Variants in PCCA observed in about 807,000 individuals in gnomAD.
PCCA encodes propionyl-CoA carboxylase alpha chain, mitochondrial.
Under a neutral mutation model 101.3 loss-of-function variants are expected in PCCA, and 74 were observed. The observed-to-expected ratio is 0.73, with a 90% CI of 0.61 to 0.89. The LOEUF (loss-of-function observed/expected upper bound fraction) is 0.89, where lower values mean the gene tolerates loss of function less well. PCCA is among the 40% of genes least tolerant of loss of function. The pLI is 0.00. For missense variants in PCCA, 891 were observed against 907.0 expected, an observed-to-expected ratio of 0.98 and a Z score of 0.23; for synonymous variants, 294 against 313.6, an observed-to-expected ratio of 0.94 and a Z score of 0.66.
At chr13:100,093,643 G>A (rs1348912070) in intron 1 of PCCA, among the ~76,000 whole-genome samples, 1 of 152,172 alleles carries the variant, frequency 6.6e-6, no homozygotes. Context: ...GCCAGGTGTG[G>A]TAGCTCACGC....
chr13:100,217,569 TTG>T (rs372376065), intron 7 of PCCA, among the ~76,000 whole-genome samples: 15 of 149,934 alleles, frequency 1.0e-4, no homozygotes, highest in Non-Finnish European at 1.5e-5. Flanking sequence ...GTATCAGTTT[TTG>T]TGTGTGTGTG....
chr13:100,247,834 A>G (rs1265307930), intron 8 of PCCA, among the ~76,000 whole-genome samples: 1 of 152,004 alleles, frequency 6.6e-6, no homozygotes, highest in African/African-American at 2.4e-5. Flanking sequence ...ATGTTTTTGG[A>G]TATCTGATGG....
intron 12 of PCCA, among the ~76,000 whole-genome samples, chr13:100,281,054 C>T (rs1031047797): frequency 6.6e-6 from 1 of 152,136 alleles, no homozygotes; most frequent in Non-Finnish European, 1.5e-5. Context: ...ATCACATCGA[C>T]TGTATGATAC....
chr13:100,240,392 T>A (rs2061051318), intron 8 of PCCA, among the ~76,000 whole-genome samples: 1 of 151,828 alleles, frequency 6.6e-6, no homozygotes, highest in Admixed American at 6.6e-5. Flanking sequence ...TTTAATCTTT[T>A]GCGGGGTGAA....
At chr13:100,477,105 G>A (rs1164527639) in intron 21 of PCCA, among the ~76,000 whole-genome samples, 5 of 152,162 alleles carry the variant, frequency 3.3e-5, no homozygotes, top group African/African-American at 4.8e-5. Flanking sequence ...AAAGTCAAGT[G>A]CATACTAATT....
At chr13:100,468,079 C>T (rs891641427) in intron 21 of PCCA, among the ~76,000 whole-genome samples, 2 of 152,186 alleles carry the variant, frequency 1.3e-5, no homozygotes, top group African/African-American at 2.4e-5. Context: ...TCCGTCAGAG[C>T]TCCCAGGTAA....
Position 100,340,384 on chromosome 13 carries a change from A to G in PCCA, c.1643+125A>G, listed in dbSNP as rs1489662521. 6.2e-5 allele frequency: 43 copies of G among 698,304 alleles called. 1 individual carries two copies. Among genetic ancestry groups the G allele is most frequent in the South Asian group, 6.1e-4 (40 of 66,036 alleles). 43.3% of individuals were successfully genotyped at this position (698,304 alleles called of 1,614,324 possible). The stretch of plus-strand genomic sequence containing the variant: ...TAGAGATCTTATGGGTCTTTGGAGA[A>G]GTATAATAAAGTCACACTGTATAAA... On this transcript the variant is annotated intron_variant, in intron 18 of 23. Transcript: ENST00000376285.
intron 2 of PCCA, among the ~76,000 whole-genome samples, chr13:100,108,170 AGGAG>A (rs2047985275): frequency 6.6e-6 from 1 of 152,208 alleles, no homozygotes; most frequent in South Asian, 2.1e-4. Context: ...GAAAGGAAGA[AGGAG>A]GGATAGAGAG....
chr13:100,206,290 A>G (rs1395659491), intron 6 of PCCA, among the ~76,000 whole-genome samples: 1 of 152,038 alleles, frequency 6.6e-6, no homozygotes, highest in Admixed American at 6.6e-5. Flanking sequence ...TTCTGGAGAC[A>G]GAGTCTCACT....
chr13:100,300,731 G>C (rs1219848519), intron 12 of PCCA, among the ~76,000 whole-genome samples: 1 of 152,218 alleles, frequency 6.6e-6, no homozygotes, highest in Admixed American at 6.5e-5. Flanking sequence ...ATGTATCCCT[G>C]TTTGTGTACC....
At chr13:100,413,811 G>A (rs2078196516) in intron 19 of PCCA, among the ~76,000 whole-genome samples, 1 of 152,186 alleles carries the variant, frequency 6.6e-6, no homozygotes, top group South Asian at 2.1e-4. Context: ...TCAGGTAGGG[G>A]AGCGAAAGGC....
chr13:100,290,192 C>G (rs2065018889), intron 12 of PCCA, among the ~76,000 whole-genome samples: 1 of 151,892 alleles, frequency 6.6e-6, no homozygotes, highest in Non-Finnish European at 1.5e-5. Context: ...AAAGTTTGCC[C>G]AATTTTTTTT....
intron 21 of PCCA, among the ~76,000 whole-genome samples, chr13:100,460,983 G>C (rs1207975636): frequency 6.6e-6 from 1 of 152,178 alleles, no homozygotes; most frequent in Non-Finnish European, 1.5e-5. Flanking sequence ...GAACTTTGGA[G>C]TTTCAGCAAT....
intron 21 of PCCA, among the ~76,000 whole-genome samples, chr13:100,479,178 G>A (rs762264991): frequency 1.1e-4 from 16 of 152,104 alleles, no homozygotes; most frequent in Non-Finnish European, 2.4e-4. Context: ...CAAATCCCAG[G>A]TAAACTCCTG....
chr13:100,246,115 C>T (rs1031212276), intron 8 of PCCA, among the ~76,000 whole-genome samples: 3 of 152,122 alleles, frequency 2.0e-5, no homozygotes, highest in African/African-American at 7.2e-5. Flanking sequence ...GGGGCATGAC[C>T]TTAGGCAGAA....
At chr13:100,094,870 G>A (rs1470163631) in intron 1 of PCCA, among the ~76,000 whole-genome samples, 1 of 152,180 alleles carries the variant, frequency 6.6e-6, no homozygotes, top group East Asian at 1.9e-4. Flanking sequence ...TTACAGATGT[G>A]AGCCACCGTG....
At chr13:100,468,408 C>T (rs543754513) in intron 21 of PCCA, among the ~76,000 whole-genome samples, 1 of 152,342 alleles carries the variant, frequency 6.6e-6, no homozygotes, top group Non-Finnish European at 1.5e-5. Flanking sequence ...AGTTAGATGA[C>T]ATCTTCTTCC....
At chr13:100,166,345 C>G (rs182264610) in intron 6 of PCCA, among the ~76,000 whole-genome samples, 1 of 152,066 alleles carries the variant, frequency 6.6e-6, no homozygotes, top group Non-Finnish European at 1.5e-5. Flanking sequence ...ACAGAGTTTC[C>G]CCTCTTTTGC....
intron 6 of PCCA, among the ~76,000 whole-genome samples, chr13:100,160,268 T>C (rs993054954): frequency 2.0e-5 from 3 of 152,080 alleles, no homozygotes; most frequent in African/African-American, 7.2e-5. Flanking sequence ...TTTGGGAGGC[T>C]GAGGTGGGCA....
Sources: allele counts gnomAD v4.1 joint callset (sites outside exome capture counted in the v4.1 genomes callset), GRCh38; gene constraint gnomAD v4.1.1; transcripts MANE v1.5; gene names NCBI Gene and HGNC (gene_info 2026-07-23, HGNC 2026-07-21).